PITPNC1: variants seen among roughly 807,000 people sequenced by gnomAD.
The protein encoded by PITPNC1 is phosphatidylinositol transfer protein cytoplasmic 1.
In PITPNC1, 18 loss-of-function variants were observed where a neutral mutation model predicts 44.7. That is an observed-to-expected ratio of 0.40 (90% CI 0.28 to 0.60). PITPNC1 has a LOEUF of 0.60. Among genes scored for constraint, PITPNC1 ranks in the 20% least tolerant of loss-of-function variants. The pLI is 0.39. For missense variants in PITPNC1, 290 were observed against 418.4 expected (o/e 0.69, Z 2.68); for synonymous variants, 141 against 149.6 (o/e 0.94, Z 0.42).
chr17:67,626,410 G>A (rs544816849), intron 5 of PITPNC1, among the ~76,000 whole-genome samples: 127 of 152,222 alleles, frequency 8.3e-4, no homozygotes, highest in Middle Eastern at 3.4e-3. Context: ...TTGCCCTGTC[G>A]CACAGGCTGG....
chr17:67,405,994 C>G (rs1463052554), intron 1 of PITPNC1, among the ~76,000 whole-genome samples: 1 of 152,142 alleles, frequency 6.6e-6, no homozygotes, highest in Admixed American at 6.6e-5. Flanking sequence ...CAATAACTTG[C>G]TATTTTTTCC....
At chr17:67,571,211 G>A (rs2041052104) in intron 4 of PITPNC1, among the ~76,000 whole-genome samples, 4 of 152,130 alleles carry the variant, frequency 2.6e-5, no homozygotes, top group Admixed American at 1.3e-4. Flanking sequence ...TTGGAGGATC[G>A]CTTGAGCTCA....
At chr17:67,631,794 C>A (rs904103720) in intron 5 of PITPNC1, among the ~76,000 whole-genome samples, 41 of 149,884 alleles carry the variant, frequency 2.7e-4, no homozygotes, top group African/African-American at 8.3e-4. Context: ...CCTCTTTACT[C>A]CTCCTGTTCA....
chr17:67,396,089 G>T (rs2038216369), intron 1 of PITPNC1, among the ~76,000 whole-genome samples: 2 of 152,140 alleles, frequency 1.3e-5, no homozygotes, highest in African/African-American at 4.8e-5. Context: ...GCAGATATGG[G>T]CATACTTTGA....
intron 1 of PITPNC1, among the ~76,000 whole-genome samples, chr17:67,440,718 A>AT (rs916436151): frequency 2.0e-5 from 3 of 150,552 alleles, no homozygotes; most frequent in Middle Eastern, 6.8e-3. Flanking sequence ...TTGAAAAAAA[A>AT]TTTTTTTTAT....
At chr17:67,535,393 A>G (rs1008020723) in intron 2 of PITPNC1, among the ~76,000 whole-genome samples, 1 of 152,230 alleles carries the variant, frequency 6.6e-6, no homozygotes, top group Non-Finnish European at 1.5e-5. Context: ...ATAGAAACCT[A>G]TGGAAAATTC....
At chr17:67,499,894 A>T (rs1378467266) in intron 1 of PITPNC1, among the ~76,000 whole-genome samples, 1 of 152,250 alleles carries the variant, frequency 6.6e-6, no homozygotes, top group Non-Finnish European at 1.5e-5. Flanking sequence ...CTCAGAACAT[A>T]TCCCCATCGT....
At chr17:67,471,869 A>C (rs2039541187) in intron 1 of PITPNC1, among the ~76,000 whole-genome samples, 1 of 152,110 alleles carries the variant, frequency 6.6e-6, no homozygotes, top group Non-Finnish European at 1.5e-5. Flanking sequence ...TCCAGGATTT[A>C]ATCAGGATAT....
chr17:67,639,732 G>A (rs2042071823), intron 6 of PITPNC1, among the ~76,000 whole-genome samples: 1 of 152,184 alleles, frequency 6.6e-6, no homozygotes, highest in African/African-American at 2.4e-5. Context: ...CTAAATATCT[G>A]TTGAATTCTC....
chr17:67,435,027 T>C (rs1311952988), intron 1 of PITPNC1, among the ~76,000 whole-genome samples: 2 of 144,702 alleles, frequency 1.4e-5, no homozygotes, highest in Non-Finnish European at 3.0e-5. Context: ...GAGAATGACG[T>C]GAACCCGGGA....
intron 1 of PITPNC1, among the ~76,000 whole-genome samples, chr17:67,479,141 C>T (rs1225477153): frequency 6.6e-6 from 1 of 152,152 alleles, no homozygotes; most frequent in Non-Finnish European, 1.5e-5. Context: ...CCTGAGAGGT[C>T]CGTGTTTTCT....
intron 4 of PITPNC1, among the ~76,000 whole-genome samples, 180 bp downstream of exon 4, chr17:67,553,797 A>G (rs1048357321): frequency 6.6e-6 from 1 of 152,238 alleles, no homozygotes; most frequent in African/African-American, 2.4e-5. Flanking sequence ...GAATGTTCTC[A>G]TTTGTTCAAG....
chr17:67,541,726 A>G (rs1387630408), intron 2 of PITPNC1, among the ~76,000 whole-genome samples: 1 of 152,238 alleles, frequency 6.6e-6, no homozygotes, highest in East Asian at 1.9e-4. Context: ...GAAGAAACCA[A>G]GGATATTTAA....
At chr17:67,554,669 C>T (rs995970703) in intron 4 of PITPNC1, among the ~76,000 whole-genome samples, 3 of 152,190 alleles carry the variant, frequency 2.0e-5, no homozygotes, top group African/African-American at 7.2e-5. Flanking sequence ...TTGTCATGCC[C>T]TGGGCAGGAG....
chr17:67,543,590 C>A (rs1232129088), intron 2 of PITPNC1, among the ~76,000 whole-genome samples: 1 of 152,142 alleles, frequency 6.6e-6, no homozygotes, highest in African/African-American at 2.4e-5. Context: ...TTCATGTGTT[C>A]ATTGGCCATT....
chr17:67,655,651 G>A (rs1473294980), intron 6 of PITPNC1, among the ~76,000 whole-genome samples: 3 of 151,220 alleles, frequency 2.0e-5, no homozygotes, highest in Non-Finnish European at 4.4e-5. Flanking sequence ...TTCAACATAT[G>A]GGTTGGGTTC....
intron 6 of PITPNC1, chr17:67,638,550 C>T (rs1240125736): frequency 1.3e-5 from 2 of 152,126 alleles, no homozygotes; most frequent in Non-Finnish European, 2.9e-5. Context: ...AGACATACCT[C>T]CAGGGCAAAG....
At chr17:67,403,508 T>C (rs1446132971) in intron 1 of PITPNC1, among the ~76,000 whole-genome samples, 4 of 152,226 alleles carry the variant, frequency 2.6e-5, no homozygotes, top group African/African-American at 9.6e-5. Context: ...CGTGTGGACA[T>C]TTATTTACCA....
intron 1 of PITPNC1, among the ~76,000 whole-genome samples, chr17:67,411,245 T>G (rs1321939719): frequency 6.6e-6 from 1 of 152,032 alleles, no homozygotes; most frequent in East Asian, 1.9e-4. Context: ...TCTCATTCAA[T>G]AGTATCATGT....
Sources: allele counts gnomAD v4.1 joint callset (sites outside exome capture counted in the v4.1 genomes callset), GRCh38; gene constraint gnomAD v4.1.1; transcripts MANE v1.5; gene names NCBI Gene and HGNC (gene_info 2026-07-23, HGNC 2026-07-21).